INTU: variants seen among roughly 807,000 people sequenced by gnomAD.
INTU encodes the protein inturned planar cell polarity protein.
In INTU, 68 loss-of-function variants were observed where a neutral mutation model predicts 100.5. The ratio of observed to expected loss-of-function variants is 0.68; its 90% CI spans 0.56 to 0.83. The LOEUF (loss-of-function observed/expected upper bound fraction) is 0.83. INTU is among the 40% of genes least tolerant of loss of function. The probability of loss-of-function intolerance (pLI) is 0.00; values close to 1 mark genes in which losing one functional copy is unlikely to be tolerated. For synonymous variants in INTU, 357 were observed against 395.7 expected, an observed-to-expected ratio of 0.90 and a Z score of 1.16; for missense variants, 1,071 against 1,114.7, an observed-to-expected ratio of 0.96 and a Z score of 0.56.
rs148846373 is a variant in INTU, at chr4:127,656,116, ACTGT to A, written c.683-516_683-513del. Among the ~76,000 whole-genome samples the A allele has an allele frequency of 5.2e-3, 794 of 152,216 alleles. 11 individuals are homozygous for A. The highest frequency in any genetic ancestry group is 0.018 in the African/African-American group (767 of 41,524). ...TGTGCGCACCCACTGACCTACGCCC[ACTGT>A]CTGGTACTCCCTAGTGAGATGAACC... is the stretch of plus-strand genomic sequence containing the variant. On this transcript the variant is annotated intron_variant, in intron 2 of 15. Coordinates refer to ENST00000335251, the MANE Select transcript of INTU (RefSeq NM_015693.4).
chr4:127,709,149 T>G (rs996317803), intron 13 of INTU, among the ~76,000 whole-genome samples: 2 of 152,176 alleles, frequency 1.3e-5, no homozygotes, highest in African/African-American at 2.4e-5. Context: ...CATTCCTCCC[T>G]GGGAGGAGCC....
intron 11 of INTU, 97 bp downstream of exon 11, chr4:127,705,909 C>A: frequency 1.2e-6 from 1 of 812,924 alleles, no homozygotes; most frequent in Non-Finnish European, 2.0e-6. Context: ...AGGTAGGTAT[C>A]TATTGACTGT....
intron 8 of INTU, among the ~76,000 whole-genome samples, chr4:127,690,509 C>T (rs553673737): frequency 6.6e-6 from 1 of 152,256 alleles, no homozygotes; most frequent in South Asian, 2.1e-4. Context: ...GAAATTAATA[C>T]ACAGGAAACA....
At chr4:127,668,918 C>G in intron 4 of INTU, 118 bp from the exon 5 acceptor site, 1 of 554,718 alleles carries the variant, frequency 1.8e-6, no homozygotes, top group South Asian at 2.8e-5. Flanking sequence ...GAACAAAACT[C>G]CCACTGAAGC....
chr4:127,697,377 C>T (rs1459178915), intron 8 of INTU, among the ~76,000 whole-genome samples: 1 of 152,048 alleles, frequency 6.6e-6, no homozygotes, highest in African/African-American at 2.4e-5. Context: ...GTAAGCTTAC[C>T]TGTTCTAAAT....
Position 127,708,660 on chromosome 4 carries a change from C to T in INTU, c.2361C>T (p.Asn787=), listed in dbSNP as rs1456130018. 1 of 1,506,632 alleles carries T rather than the reference C, an allele frequency of 6.6e-7. No homozygotes were observed. Among genetic ancestry groups the T allele is most frequent in the African/African-American group, 1.4e-5 (1 of 72,140 alleles). 93.3% of individuals were successfully genotyped at this position (1,506,632 alleles called of 1,614,324 possible). A position where few individuals can be genotyped will look rare whatever the true frequency, so the allele number is the denominator to read the frequency against. Residue 787 remains asparagine (N), a synonymous_variant, in exon 13 of 16, where the codon AAC becomes AAT. Coordinates refer to ENST00000335251, the MANE Select transcript of INTU (RefSeq NM_015693.4). ...DLPEKELEIY[N]TVKLTSGPEN... ...CAGAAAAAGAATTAGAAATATATAA[C>T]ACAGTGAAGTAAGAAACTTTCTTAT...
chr4:127,659,996 A>G (rs1250452687), intron 3 of INTU, among the ~76,000 whole-genome samples: 1 of 152,232 alleles, frequency 6.6e-6, no homozygotes, highest in East Asian at 1.9e-4. Flanking sequence ...AGAACCCAGA[A>G]GTAACCATTT....
Position 127,723,655 on chromosome 4 carries a change from TTTTTTGTTTG to T in INTU, c.*7228_*7237del, listed in dbSNP as rs1731379074. The T allele has an allele frequency of 6.6e-6, 1 of 152,274 alleles. No homozygotes were observed. Among genetic ancestry groups the T allele is most frequent in the South Asian group, 2.1e-4 (1 of 4,824 alleles). The allele number at this position is 152,274 out of a possible 1,614,324, so 9.4% of individuals were successfully genotyped here. The stretch of plus-strand genomic sequence containing the variant: ...TTTAAACTATTTGTCAACTTTATTT[TTTTTTGTTTG>T]TTTTTGTTAAAATACATTCAGCGGC... On this transcript the variant is annotated 3_prime_UTR_variant, in exon 16 of 16. Coordinates refer to ENST00000335251, the MANE Select transcript of INTU (RefSeq NM_015693.4).
chr4:127,663,872 A>T (rs1159645822), intron 4 of INTU, among the ~76,000 whole-genome samples: 1 of 152,144 alleles, frequency 6.6e-6, no homozygotes, highest in Non-Finnish European at 1.5e-5. Flanking sequence ...TTAGAAGCTA[A>T]GGTCTTTTTA....
At chr4:127,670,965 A>G (rs1728900573) in intron 5 of INTU, among the ~76,000 whole-genome samples, 2 of 152,124 alleles carry the variant, frequency 1.3e-5, no homozygotes, top group Non-Finnish European at 2.9e-5. Flanking sequence ...AATGAACTCA[A>G]GTTAGATTAA....
intron 9 of INTU, among the ~76,000 whole-genome samples, chr4:127,701,612 G>A (rs1439257139): frequency 1.3e-5 from 2 of 152,074 alleles, no homozygotes; most frequent in African/African-American, 4.8e-5. Context: ...TAATATCTGG[G>A]ATTGGTTTTG....
chr4:127,648,438 A>C (rs920653294), intron 2 of INTU, among the ~76,000 whole-genome samples: 10 of 152,194 alleles, frequency 6.6e-5, no homozygotes, highest in African/African-American at 2.2e-4. Flanking sequence ...TTATTTTCAT[A>C]TATTTTTATG....
intron 12 of INTU, among the ~76,000 whole-genome samples, chr4:127,707,489 CT>C (rs1242867302): frequency 6.8e-6 from 1 of 147,734 alleles, no homozygotes; most frequent in East Asian, 2.1e-4. Flanking sequence ...AATAGGAAAA[CT>C]TTAATCTCAA....
At chr4:127,679,776 A>AG (rs1383853978) in intron 6 of INTU, among the ~76,000 whole-genome samples, 5 of 151,898 alleles carry the variant, frequency 3.3e-5, no homozygotes, top group African/African-American at 9.7e-5. Context: ...AAGGAAATAG[A>AG]GACACAAAAA....
chr4:127,689,033 A>AGTGC (rs1293831530), intron 8 of INTU, among the ~76,000 whole-genome samples: 2 of 121,244 alleles, frequency 1.6e-5, no homozygotes, highest in East Asian at 4.9e-4. Flanking sequence ...CTGGAGTGGG[A>AGTGC]GTGCAGTGGC....
chr4:127,635,593 C>A (rs996578331), intron 1 of INTU, among the ~76,000 whole-genome samples: 3 of 152,170 alleles, frequency 2.0e-5, no homozygotes, highest in African/African-American at 7.2e-5. Flanking sequence ...GAACTTCCAC[C>A]TAAAACACAA....
chr4:127,667,627 G>A (rs770111516), intron 4 of INTU, among the ~76,000 whole-genome samples: 7 of 151,860 alleles, frequency 4.6e-5, no homozygotes, highest in African/African-American at 7.3e-5. Flanking sequence ...AGTAGTGTAT[G>A]GTATTTTGGC....
intron 5 of INTU, among the ~76,000 whole-genome samples, chr4:127,670,292 G>A (rs561000501): frequency 3.4e-4 from 52 of 151,648 alleles, no homozygotes; most frequent in Non-Finnish European, 5.3e-4. Flanking sequence ...GGATTTTCTA[G>A]GCTTTAACTT....
intron 10 of INTU, among the ~76,000 whole-genome samples, chr4:127,704,998 A>G (rs1730816284): frequency 6.6e-6 from 1 of 152,082 alleles, no homozygotes. Flanking sequence ...AGGCTGAGGC[A>G]GGAGAATGGT....
Sources: gnomAD v4.1 joint callset for allele counts (sites outside exome capture counted in the v4.1 genomes callset) on GRCh38, gnomAD v4.1.1 for gene constraint, MANE v1.5 for transcripts, NCBI Gene and HGNC (gene_info 2026-07-23, HGNC 2026-07-21) for gene names.